The following DCAF4 variants were observed in gnomAD, a reference collection of about 807,000 sequenced individuals.
The protein encoded by DCAF4 is DDB1 and CUL4 associated factor 4.
In DCAF4, 37 loss-of-function variants were observed where a neutral mutation model predicts 60.9. That is an observed-to-expected ratio of 0.61 (90% CI 0.47 to 0.80). The LOEUF (loss-of-function observed/expected upper bound fraction) is 0.80. Among genes scored for constraint, DCAF4 ranks in the 30% least tolerant of loss-of-function variants. The pLI, the probability that DCAF4 is intolerant of heterozygous loss-of-function variation, is 0.00. For synonymous variants in DCAF4, 243 were observed against 254.8 expected (o/e 0.95, Z 0.44); for missense variants, 577 against 650.0 (o/e 0.89, Z 1.22).
chr14:72,951,409 C>T (rs1594787200), intron 8 of DCAF4, among the ~76,000 whole-genome samples: 1 of 151,972 alleles, frequency 6.6e-6, no homozygotes, highest in African/African-American at 2.4e-5. Flanking sequence ...GTCGGGTGTT[C>T]GAGACGAGTC....
intron 7 of DCAF4, 67 bp from the exon 8 acceptor site, chr14:72,947,075 T>C (rs1314022656): frequency 6.3e-7 from 1 of 1,599,246 alleles, no homozygotes; most frequent in African/African-American, 1.3e-5. Flanking sequence ...TGTCCCCACA[T>C]GTTATTCCAC....
intron 7 of DCAF4, among the ~76,000 whole-genome samples, chr14:72,946,507 T>C (rs2140263921): frequency 6.6e-6 from 1 of 152,322 alleles, no homozygotes; most frequent in African/African-American, 2.4e-5. Context: ...TTGGGGTAGG[T>C]TGAAGCAGCG....
intron 1 of DCAF4, chr14:72,929,678 C>G (rs1400227599): frequency 1.5e-6 from 2 of 1,351,872 alleles, no homozygotes; most frequent in Non-Finnish European, 2.1e-6. Flanking sequence ...CCCGCTTCCT[C>G]TTGGCACGGA....
Position 72,953,709 on chromosome 14 carries a change from T to TAAAAA in DCAF4, c.809-435_809-431dup, listed in dbSNP as rs778771457. The stretch of plus-strand genomic sequence containing the variant: ...TGGGCAAAAGAACAAGACCCTGTCT[T>TAAAAA]AAAAAAAAAAAAAAAAAAAAAAAAT... On this transcript the variant is annotated intron_variant, in intron 9 of 13. Transcript: ENST00000358377. Among the ~76,000 whole-genome samples, 18 of 10,066 alleles carry TAAAAA rather than the reference T, an allele frequency of 1.8e-3. 5 individuals carry two copies. In the East Asian group the frequency reaches 0.05, roughly 28 times the overall value. 6.6% of individuals were successfully genotyped at this position (10,066 alleles called of 152,430 possible).
downstream of DCAF4, chr14:72,962,063 A>T (rs988086309): frequency 9.6e-7 from 1 of 1,037,824 alleles, no homozygotes; most frequent in African/African-American, 1.7e-5. Context: ...GTGAACTCTC[A>T]ATGTTATTTT....
intron 1 of DCAF4, among the ~76,000 whole-genome samples, chr14:72,932,733 A>C (rs1170689470): frequency 6.6e-6 from 1 of 152,048 alleles, no homozygotes; most frequent in Non-Finnish European, 1.5e-5. Flanking sequence ...TGGGCCAGGT[A>C]ACTCTTTTGT....
At chr14:72,930,020 T>C in intron 1 of DCAF4, 2 of 578,976 alleles carry the variant, frequency 3.5e-6, no homozygotes, top group Non-Finnish European at 6.1e-6. Context: ...TAATTCCGGC[T>C]ACTCCGAGGT....
chr14:72,952,198 A>C (rs1464362931), intron 9 of DCAF4, among the ~76,000 whole-genome samples: 1 of 152,214 alleles, frequency 6.6e-6, no homozygotes, highest in East Asian at 1.9e-4. Flanking sequence ...AGGTGCTATC[A>C]GGGATACTTA....
rs781533598 is a variant in DCAF4, at chr14:72,940,397, GC to G, written c.351+25del. On this transcript the variant is annotated intron_variant, in intron 4 of 13. Transcript: ENST00000358377. ...AAAAAGGTGGGCTCCTCACCCCTTC[GC>G]CCCCTGTCCTCTCCGCTCCTGCCAG... 3 of 1,599,192 alleles carry G rather than the reference GC, an allele frequency of 1.9e-6. No homozygotes were observed. Among genetic ancestry groups the G allele is most frequent in the Non-Finnish European group, 1.7e-6 (2 of 1,175,494 alleles).
chr14:72,956,436 C>G lies in DCAF4; in HGVS notation c.1230C>G (p.Gly410=). The change falls in exon 13 of 14, where the codon GGC becomes GGG. Residue 410 remains glycine (G), a synonymous_variant. Coordinates refer to ENST00000358377, the MANE Select transcript of DCAF4 (RefSeq NM_015604.4). ...RTTKCVRQYE[G]HVNEYAYLPL... ...CGAAGTGCGTAAGGCAGTACGAAGG[C>G]CACGTGAATGAGTACGCCTACCTGC... is the stretch of plus-strand genomic sequence containing the variant. 1 of 1,613,608 alleles carries G rather than the reference C, an allele frequency of 6.2e-7. No individual in the cohort carries two copies. The highest frequency in any genetic ancestry group is 8.5e-7 in the Non-Finnish European group (1 of 1,179,802).
At chr14:72,946,188 C>T (rs550187189) in intron 7 of DCAF4, among the ~76,000 whole-genome samples, 161 bp downstream of exon 7, 20 of 150,836 alleles carry the variant, frequency 1.3e-4, no homozygotes, top group Non-Finnish European at 2.5e-4. Context: ...TTCAGACCAA[C>T]CTGGGCAGCA....
At position 72,947,202 on chromosome 14, in the gene DCAF4, G is replaced by A. The variant is rs770044367; in HGVS notation, c.728+11G>A. The stretch of plus-strand genomic sequence containing the variant: ...GGATTCCCACATTCTGTATCCTTTG[G>A]CAGAGGAAGAGGTTTGGTGGGCAGG... On this transcript the variant is annotated intron_variant, in intron 8 of 13. Coordinates refer to ENST00000358377, the MANE Select transcript of DCAF4 (RefSeq NM_015604.4). 1 of 1,613,954 alleles carries A rather than the reference G, an allele frequency of 6.2e-7. No homozygotes were observed. Among genetic ancestry groups the A allele is most frequent in the South Asian group, 1.1e-5 (1 of 91,078 alleles).
At chr14:72,933,298 G>A (rs1888812664) in intron 1 of DCAF4, among the ~76,000 whole-genome samples, 2 of 152,044 alleles carry the variant, frequency 1.3e-5, no homozygotes, top group Admixed American at 1.3e-4. Context: ...TAATGGCCAG[G>A]TGCGGTAATC....
intron 2 of DCAF4, among the ~76,000 whole-genome samples, chr14:72,938,755 A>T (rs191914437): frequency 3.3e-5 from 5 of 151,996 alleles, no homozygotes; most frequent in African/African-American, 9.7e-5. Flanking sequence ...ATTTTTTTTT[A>T]AATGGTATAC....
Position 72,958,657 on chromosome 14 carries a change from G to A in DCAF4, c.1340G>A (p.Arg447His), listed in dbSNP as rs143869522. ...AGAATCTGGAGCCTCCACGATGCCC[G>A]CCTACTGAGAACCATACCCTCCCCG... ...YTRIWSLHDA[R>H]LLRTIPSPYP... Residue 447 changes from arginine (R) to histidine (H), a missense_variant, in exon 14 of 14, where the codon CGC becomes CAC. Transcript: ENST00000358377. 267 of 1,614,112 alleles carry A rather than the reference G, an allele frequency of 1.7e-4. No homozygotes were observed. The highest frequency in any genetic ancestry group is 1.8e-4 in the East Asian group (8 of 44,878).
At chr14:72,946,535 C>T (rs1232795314) in intron 7 of DCAF4, among the ~76,000 whole-genome samples, 1 of 152,182 alleles carries the variant, frequency 6.6e-6, no homozygotes, top group Non-Finnish European at 1.5e-5. Flanking sequence ...AACTGGTCCT[C>T]AGGACCGTCC....
In DCAF4 at chr14:72,959,479, T is replaced by G; in HGVS notation, c.*674T>G. On this transcript the variant is annotated 3_prime_UTR_variant, in exon 14 of 14. Transcript: ENST00000358377. ...TTCAAGCACCTTCCAGAATGTAAGGTTCAGCAGCTCTGGTTTCTATTACGG... is the reference window on the plus strand; with the variant it reads ...TTCAAGCACCTTCCAGAATGTAAGGGTCAGCAGCTCTGGTTTCTATTACGG... The G allele has an allele frequency of 2.0e-6, 2 of 985,548 alleles. No individual in the cohort carries two copies. The highest frequency in any genetic ancestry group is 2.4e-6 in the Non-Finnish European group (2 of 829,918). 61.1% of individuals were successfully genotyped at this position (985,548 alleles called of 1,614,324 possible). A position where few individuals can be genotyped will look rare whatever the true frequency, so the allele number is the denominator to read the frequency against.
chr14:72,926,560 T>G lies in DCAF4; in HGVS notation c.-9+17T>G, dbSNP rs2140158733. ...GCTGAACAGGTAAGACTGTGCTGCC[T>G]GGGGTGCCTACTGGCATCGATTCGA... is the stretch of plus-strand genomic sequence containing the variant. On this transcript the variant is annotated intron_variant, in intron 1 of 13. Coordinates refer to ENST00000358377, the MANE Select transcript of DCAF4 (RefSeq NM_015604.4). 6.6e-6 allele frequency: 1 copy of G among 151,200 alleles called. No individual in the cohort carries two copies. Among genetic ancestry groups the G allele is most frequent in the East Asian group, 2.0e-4 (1 of 5,090 alleles). 9.4% of individuals were successfully genotyped at this position (151,200 alleles called of 1,614,324 possible).
At chr14:72,941,928 C>A in intron 5 of DCAF4, 104 bp downstream of exon 5, 1 of 1,193,974 alleles carries the variant, frequency 8.4e-7, no homozygotes, top group Non-Finnish European at 1.2e-6. Context: ...GTGGCTACCC[C>A]GTGAAGCACC....
Sources: allele counts gnomAD v4.1 joint callset (sites outside exome capture counted in the v4.1 genomes callset), GRCh38; gene constraint gnomAD v4.1.1; transcripts MANE v1.5; gene names NCBI Gene and HGNC (gene_info 2026-07-23, HGNC 2026-07-21).